LINGO2: variants seen among roughly 807,000 people sequenced by gnomAD.
LINGO2 encodes leucine rich repeat and Ig domain containing 2.
LINGO2 carries 14 observed loss-of-function variants against 30.6 expected under a neutral mutation model. The ratio of observed to expected loss-of-function variants is 0.46; its 90% CI spans 0.30 to 0.72. LINGO2 has a LOEUF of 0.72. Among genes scored for constraint, LINGO2 ranks in the 30% least tolerant of loss-of-function variants. The pLI, the probability that LINGO2 is intolerant of heterozygous loss-of-function variation, is 0.07. For missense variants in LINGO2, 729 were observed against 751.7 expected (o/e 0.97, Z 0.35); for synonymous variants, 317 against 288.5 (o/e 1.10, Z -1.00).
intron 1 of LINGO2, among the ~76,000 whole-genome samples, chr9:28,611,907 G>A (rs1825936817): frequency 6.6e-6 from 1 of 151,646 alleles, no homozygotes; most frequent in Non-Finnish European, 1.5e-5. Flanking sequence ...TGCAAGCTCC[G>A]CCTCCCGGGT....
At chr9:28,877,655 C>A in the LINGO2 span, among the ~76,000 whole-genome samples, 2 of 152,096 alleles carry the variant, frequency 1.3e-5, no homozygotes, top group African/African-American at 4.8e-5. Flanking sequence ...GTGACTGTAG[C>A]CTTGTAGTGT....
At chr9:28,980,554 GTTTAT>G in the LINGO2 span, among the ~76,000 whole-genome samples, 2 of 151,984 alleles carry the variant, frequency 1.3e-5, no homozygotes, top group African/African-American at 4.8e-5. Flanking sequence ...AGCCACATCA[GTTTAT>G]TTTATCTCAA....
At chr9:28,012,486 T>C (rs1444752262) in intron 4 of LINGO2, 1 of 151,692 alleles carries the variant, frequency 6.6e-6, no homozygotes, top group East Asian at 1.9e-4. Context: ...TTCTCTACTG[T>C]CTCTGCTGCC....
At chr9:28,789,558 G>A in the LINGO2 span, among the ~76,000 whole-genome samples, 1 of 152,116 alleles carries the variant, frequency 6.6e-6, no homozygotes, top group Non-Finnish European at 1.5e-5. Context: ...GGAAAGAGAT[G>A]GGTACCTGTT....
the LINGO2 span, among the ~76,000 whole-genome samples, chr9:29,145,238 T>C: frequency 6.6e-6 from 1 of 152,190 alleles, no homozygotes; most frequent in Non-Finnish European, 1.5e-5. Flanking sequence ...TTGATTGTTC[T>C]GGGCACACAT....
At chr9:28,179,427 T>C (rs1393773656) in intron 4 of LINGO2, among the ~76,000 whole-genome samples, 2 of 136,686 alleles carry the variant, frequency 1.5e-5, no homozygotes, top group African/African-American at 5.3e-5. Context: ...TATGTATGTA[T>C]ACTATACTAT....
intron 4 of LINGO2, among the ~76,000 whole-genome samples, chr9:28,211,730 C>T (rs1301994829): frequency 6.6e-6 from 1 of 151,292 alleles, no homozygotes; most frequent in Non-Finnish European, 1.5e-5. Context: ...TTTCTCTTAC[C>T]CACTCACTCT....
the LINGO2 span, among the ~76,000 whole-genome samples, chr9:28,695,684 C>A: frequency 1.3e-5 from 2 of 149,992 alleles, no homozygotes; most frequent in Admixed American, 6.7e-5. Flanking sequence ...TATAAAGCTG[C>A]CAATATTGTT....
the LINGO2 span, among the ~76,000 whole-genome samples, chr9:28,812,319 T>C: frequency 9.2e-5 from 14 of 152,270 alleles, no homozygotes; most frequent in Admixed American, 4.6e-4. Context: ...TTCATAGATA[T>C]TGCCTTTCTT....
chr9:28,656,539 C>T (rs1828348379), intron 1 of LINGO2, among the ~76,000 whole-genome samples: 1 of 151,958 alleles, frequency 6.6e-6, no homozygotes, highest in Non-Finnish European at 1.5e-5. Flanking sequence ...TCAGACACAT[C>T]CAAACTGAGA....
intron 4 of LINGO2, among the ~76,000 whole-genome samples, chr9:28,142,157 CTT>C (rs3064726): frequency 0.28 from 38,512 of 135,920 alleles, 5,116 homozygotes; most frequent in East Asian, 0.45. Context: ...CTTTCTTTGT[CTT>C]TTTTTTTTTT....
At chr9:28,801,030 A>G in the LINGO2 span, among the ~76,000 whole-genome samples, 2 of 152,222 alleles carry the variant, frequency 1.3e-5, no homozygotes, top group Non-Finnish European at 2.9e-5. Flanking sequence ...TCTCTCAGAA[A>G]CAGGCAGTAA....
intron 2 of LINGO2, among the ~76,000 whole-genome samples, chr9:28,436,060 T>C (rs982932659): frequency 2.0e-5 from 3 of 152,332 alleles, no homozygotes; most frequent in African/African-American, 7.2e-5. Context: ...GTTTTATTAA[T>C]AGTCTTTCTT....
intron 1 of LINGO2, among the ~76,000 whole-genome samples, chr9:28,511,312 CACCAGGTAGCTG>C (rs1281002014): frequency 6.6e-6 from 1 of 152,162 alleles, no homozygotes; most frequent in Non-Finnish European, 1.5e-5. Context: ...ATCAACCTGC[CACCAGGTAGCTG>C]ACTGATCACC....
the LINGO2 span, among the ~76,000 whole-genome samples, chr9:29,114,394 T>C: frequency 1.2e-5 from 1 of 86,396 alleles, no homozygotes; most frequent in African/African-American, 4.4e-5. Flanking sequence ...TTATTATTAT[T>C]ATTATTATTA....
chr9:28,898,503 C>A, the LINGO2 span, among the ~76,000 whole-genome samples: 1 of 152,088 alleles, frequency 6.6e-6, no homozygotes. Flanking sequence ...AGGTCTGTAT[C>A]GAGGTTTTCC....
intron 4 of LINGO2, among the ~76,000 whole-genome samples, chr9:28,226,663 G>GAAA (rs1821170869): frequency 1.1e-5 from 1 of 89,958 alleles, no homozygotes; most frequent in African/African-American, 6.1e-5. Flanking sequence ...AAGAAAGAAA[G>GAAA]AAAGAAAGAA....
intron 4 of LINGO2, among the ~76,000 whole-genome samples, chr9:28,071,261 C>A (rs1008785983): frequency 3.9e-5 from 6 of 152,126 alleles, no homozygotes; most frequent in Non-Finnish European, 8.8e-5. Context: ...GTGCTCAGCT[C>A]TTAACAACTA....
chr9:28,990,279 C>A, the LINGO2 span, among the ~76,000 whole-genome samples: 7 of 152,208 alleles, frequency 4.6e-5, no homozygotes, highest in Admixed American at 2.6e-4. Context: ...GATCAAACTG[C>A]AAGGCAGCAG....
Sources: allele counts gnomAD v4.1 joint callset (sites outside exome capture counted in the v4.1 genomes callset), GRCh38; gene constraint gnomAD v4.1.1; transcripts MANE v1.5; gene names NCBI Gene and HGNC (gene_info 2026-07-23, HGNC 2026-07-21).